Variants in TMEM74 observed in about 807,000 individuals in gnomAD.
The protein encoded by TMEM74 is transmembrane protein 74.
Under a neutral mutation model 18.1 loss-of-function variants are expected in TMEM74, and 13 were observed. The ratio of observed to expected loss-of-function variants is 0.72; its 90% CI spans 0.47 to 1.14. The LOEUF (loss-of-function observed/expected upper bound fraction) is 1.14. TMEM74 is among the 50% of genes most tolerant of loss of function. TMEM74 has a pLI of 0.00. For missense variants in TMEM74, 372 were observed against 375.9 expected (o/e 0.99, Z 0.09); for synonymous variants, 159 against 146.6 (o/e 1.08, Z -0.61).
At chr8:108,623,742 A>G (rs1812466788) in intron 2 of TMEM74, among the ~76,000 whole-genome samples, 1 of 152,018 alleles carries the variant, frequency 6.6e-6, no homozygotes, top group South Asian at 2.1e-4. Flanking sequence ...CCTCTAACCC[A>G]GTGGTTCTCA....
intron 2 of TMEM74, among the ~76,000 whole-genome samples, chr8:108,647,151 T>C (rs1161699824): frequency 2.6e-5 from 4 of 152,134 alleles, no homozygotes; most frequent in Admixed American, 2.6e-4. Context: ...TTTGGAAATC[T>C]TTGCCTTCTG....
intron 1 of TMEM74, among the ~76,000 whole-genome samples, chr8:108,685,059 T>G (rs1334921531): frequency 2.0e-5 from 3 of 152,112 alleles, no homozygotes; most frequent in Non-Finnish European, 2.9e-5. Flanking sequence ...TTCTTCCAAT[T>G]AATGAGCATG....
intron 1 of TMEM74, among the ~76,000 whole-genome samples, chr8:108,694,408 T>TG (rs1341768353): frequency 6.6e-6 from 1 of 151,978 alleles, no homozygotes; most frequent in Non-Finnish European, 1.5e-5. Context: ...ACATGCTGAG[T>TG]GAAAAAAAAC....
chr8:108,727,113 G>T (rs1222122025), intron 1 of TMEM74, among the ~76,000 whole-genome samples: 1 of 152,122 alleles, frequency 6.6e-6, no homozygotes, highest in African/African-American at 2.4e-5. Context: ...GAGCAAGAAG[G>T]ATCATCCAAG....
At chr8:108,705,309 T>C (rs917065334) in intron 1 of TMEM74, among the ~76,000 whole-genome samples, 1 of 152,202 alleles carries the variant, frequency 6.6e-6, no homozygotes, top group African/African-American at 2.4e-5. Context: ...AGGTTATTTA[T>C]CTGTGTTAAC....
chr8:108,607,944 C>T (rs1288644463), intron 3 of TMEM74, among the ~76,000 whole-genome samples: 2 of 151,986 alleles, frequency 1.3e-5, no homozygotes, highest in African/African-American at 4.8e-5. Flanking sequence ...TGTATGTGTG[C>T]ACATGTGTCT....
chr8:108,671,000 T>G (rs1813000114), intron 1 of TMEM74, among the ~76,000 whole-genome samples: 1 of 152,180 alleles, frequency 6.6e-6, no homozygotes, highest in Admixed American at 6.5e-5. Flanking sequence ...AGTGATATGA[T>G]GTTTTGAAAG....
chr8:108,669,373 A>G (rs1247304673), intron 1 of TMEM74, among the ~76,000 whole-genome samples: 1 of 152,160 alleles, frequency 6.6e-6, no homozygotes, highest in Non-Finnish European at 1.5e-5. Flanking sequence ...TGAAAAGGTC[A>G]TCATTAGTGG....
intron 2 of TMEM74, chr8:108,626,878 AG>A (rs1375552239): frequency 1.3e-5 from 2 of 151,958 alleles, no homozygotes; most frequent in Non-Finnish European, 2.9e-5. Flanking sequence ...ATCATTCTAA[AG>A]CCCATTAGTA....
At chr8:108,680,236 T>A (rs1352835633) in intron 1 of TMEM74, among the ~76,000 whole-genome samples, 1 of 152,106 alleles carries the variant, frequency 6.6e-6, no homozygotes, top group Non-Finnish European at 1.5e-5. Context: ...TAGACCAATA[T>A]CCTTGATGAA....
At chr8:108,661,179 G>T (rs1262295184) in intron 1 of TMEM74, among the ~76,000 whole-genome samples, 1 of 151,902 alleles carries the variant, frequency 6.6e-6, no homozygotes, top group Non-Finnish European at 1.5e-5. Context: ...CCTATTCCAA[G>T]ATTCTTAAAT....
chr8:108,672,817 C>T (rs921598014), intron 1 of TMEM74, among the ~76,000 whole-genome samples: 2 of 152,170 alleles, frequency 1.3e-5, no homozygotes, highest in Admixed American at 6.5e-5. Flanking sequence ...GATGCTATAT[C>T]CTGTGTCAAG....
chr8:108,758,103 C>T (rs1422225789), intron 1 of TMEM74, among the ~76,000 whole-genome samples: 2 of 151,880 alleles, frequency 1.3e-5, no homozygotes, highest in East Asian at 3.9e-4. Flanking sequence ...TTATAATAAC[C>T]TACAAGTAAA....
intron 1 of TMEM74, among the ~76,000 whole-genome samples, chr8:108,699,299 C>T (rs906942849): frequency 1.3e-5 from 2 of 150,526 alleles, no homozygotes; most frequent in Non-Finnish European, 2.9e-5. Context: ...ATTTTGTATG[C>T]CAGTGTCTGT....
At chr8:108,714,538 T>C (rs1187230857) in intron 1 of TMEM74, among the ~76,000 whole-genome samples, 1 of 152,188 alleles carries the variant, frequency 6.6e-6, no homozygotes, top group African/African-American at 2.4e-5. Context: ...GTCTCAGATG[T>C]TGGCGAGGCA....
chr8:108,773,195 T>C (rs1353832980), intron 1 of TMEM74, among the ~76,000 whole-genome samples: 2 of 152,098 alleles, frequency 1.3e-5, no homozygotes, highest in Non-Finnish European at 2.9e-5. Context: ...TCAGTTATTA[T>C]TCACTGGAGC....
Position 108,784,553 on chromosome 8 carries a change from G to A in TMEM74, c.546C>T (p.Ile182=). 6.2e-7 allele frequency: 1 copy of A among 1,614,124 alleles called. No individual in the cohort carries two copies. Among genetic ancestry groups the A allele is most frequent in the Non-Finnish European group, 8.5e-7 (1 of 1,180,040 alleles). ...KSIDYGFISA[I]LFLVTGILLV... is the part of the protein sequence containing the mutation. ...GCAGGATCCCAGTGACCAAGAACAAGATGGCGCTGATGAAACCATAGTCTA... is the reference window on the plus strand; with the variant it reads ...GCAGGATCCCAGTGACCAAGAACAAAATGGCGCTGATGAAACCATAGTCTA... Residue 182 remains isoleucine, a synonymous_variant, in exon 2 of 2, where the codon ATC becomes ATT. Coordinates refer to ENST00000297459, the MANE Select transcript of TMEM74 (RefSeq NM_153015.3).
chr8:108,687,139 A>G (rs76298432), intron 1 of TMEM74, among the ~76,000 whole-genome samples: 4,458 of 152,174 alleles, frequency 0.029, 122 homozygotes, highest in African/African-American at 0.066. Flanking sequence ...TACCTCACAT[A>G]AAATAACTTC....
chr8:108,732,517 CAG>C (rs1288029860), intron 1 of TMEM74, among the ~76,000 whole-genome samples: 1 of 152,050 alleles, frequency 6.6e-6, no homozygotes, highest in African/African-American at 2.4e-5. Context: ...GTACTCAAGA[CAG>C]TGTGGCATTG....
Sources: allele counts gnomAD v4.1 joint callset (sites outside exome capture counted in the v4.1 genomes callset), GRCh38; gene constraint gnomAD v4.1.1; transcripts MANE v1.5; gene names NCBI Gene and HGNC (gene_info 2026-07-23, HGNC 2026-07-21).